LOC128125817: variants seen among roughly 807,000 people sequenced by gnomAD.
the LOC128125817 span, among the ~76,000 whole-genome samples, chr1:41,605,183 G>GAGGGAAGGGA: frequency 3.2e-3 from 365 of 115,634 alleles, 3 homozygotes; most frequent in African/African-American, 9.9e-3. Context: ...GAGGGGAGGG[G>GAGGGAAGGGA]AGGGAAGGGA....
At chr1:41,599,931 G>GTGGCC in the LOC128125817 span, among the ~76,000 whole-genome samples, 1 of 152,092 alleles carries the variant, frequency 6.6e-6, no homozygotes, top group African/African-American at 2.4e-5. Flanking sequence ...TTTCTCCAAA[G>GTGGCC]AAGATCTACA....
the LOC128125817 span, among the ~76,000 whole-genome samples, chr1:41,607,288 C>T: frequency 6.6e-6 from 1 of 152,204 alleles, no homozygotes; most frequent in East Asian, 1.9e-4. Flanking sequence ...TGAGACTTTG[C>T]TCTGCTTTCT....
chr1:41,622,911 T>A, the LOC128125817 span, among the ~76,000 whole-genome samples: 1 of 152,244 alleles, frequency 6.6e-6, no homozygotes, highest in Non-Finnish European at 1.5e-5. Context: ...CTGTGCCCTT[T>A]ACACATATTC....
chr1:41,624,673 T>C, the LOC128125817 span, among the ~76,000 whole-genome samples: 7 of 152,118 alleles, frequency 4.6e-5, no homozygotes, highest in Non-Finnish European at 1.0e-4. Context: ...TCATAAATGA[T>C]TGTGGGGCTT....
the LOC128125817 span, among the ~76,000 whole-genome samples, chr1:41,616,787 G>T: frequency 6.6e-6 from 1 of 152,070 alleles, no homozygotes; most frequent in Non-Finnish European, 1.5e-5. Flanking sequence ...ATCATCCTAT[G>T]TACATTCCTC....
chr1:41,620,330 C>G, the LOC128125817 span, among the ~76,000 whole-genome samples: 1 of 152,118 alleles, frequency 6.6e-6, no homozygotes, highest in Admixed American at 6.6e-5. Context: ...TTTTATTTAC[C>G]CATGACATAG....
At chr1:41,623,416 T>C in the LOC128125817 span, among the ~76,000 whole-genome samples, 1 of 152,254 alleles carries the variant, frequency 6.6e-6, no homozygotes, top group African/African-American at 2.4e-5. Flanking sequence ...TTTAAAGGGC[T>C]ATATAAACAA....
the LOC128125817 span, among the ~76,000 whole-genome samples, chr1:41,611,558 A>T: frequency 6.6e-6 from 1 of 152,258 alleles, no homozygotes; most frequent in African/African-American, 2.4e-5. Flanking sequence ...AGGGGCACAC[A>T]TTCAACAAAG....
the LOC128125817 span, among the ~76,000 whole-genome samples, chr1:41,608,461 A>G: frequency 1.3e-5 from 2 of 152,186 alleles, no homozygotes; most frequent in Admixed American, 6.5e-5. Context: ...TTTGGCGGCC[A>G]CTGGCTGCCT....
the LOC128125817 span, among the ~76,000 whole-genome samples, chr1:41,595,000 C>G: frequency 6.6e-6 from 1 of 152,222 alleles, no homozygotes; most frequent in East Asian, 1.9e-4. Flanking sequence ...ACCTCCCCAC[C>G]TCTGAAATGT....
chr1:41,620,557 C>T, the LOC128125817 span, among the ~76,000 whole-genome samples: 2 of 152,292 alleles, frequency 1.3e-5, no homozygotes, highest in Admixed American at 1.3e-4. Flanking sequence ...CTGCTTTTCT[C>T]TCTCTGCACT....
the LOC128125817 span, among the ~76,000 whole-genome samples, chr1:41,625,815 TAAG>T: frequency 2.0e-5 from 3 of 152,164 alleles, no homozygotes; most frequent in African/African-American, 7.2e-5. Context: ...AGATAAGAAA[TAAG>T]AATAAAAATG....
the LOC128125817 span, among the ~76,000 whole-genome samples, chr1:41,624,361 A>G: frequency 6.6e-6 from 1 of 152,242 alleles, no homozygotes; most frequent in Non-Finnish European, 1.5e-5. Flanking sequence ...TTCTAACAGA[A>G]AACGAGCACG....
At chr1:41,613,861 T>C in the LOC128125817 span, among the ~76,000 whole-genome samples, 1 of 152,230 alleles carries the variant, frequency 6.6e-6, no homozygotes, top group African/African-American at 2.4e-5. Context: ...CTAGTTTCCA[T>C]CTCTATAAAT....
At chr1:41,599,183 G>A in the LOC128125817 span, among the ~76,000 whole-genome samples, 15 of 152,070 alleles carry the variant, frequency 9.9e-5, no homozygotes, top group African/African-American at 2.4e-4. Context: ...AATAAATGGC[G>A]CTAAAGCTAT....
At chr1:41,603,549 G>A in the LOC128125817 span, among the ~76,000 whole-genome samples, 2 of 151,708 alleles carry the variant, frequency 1.3e-5, no homozygotes, top group East Asian at 1.9e-4. Context: ...TAGTGGAAAC[G>A]GGGTTTCACC....
chr1:41,585,966 A>T, the LOC128125817 span, among the ~76,000 whole-genome samples: 1 of 152,010 alleles, frequency 6.6e-6, no homozygotes, highest in Admixed American at 6.5e-5. Context: ...CCCATTGCTA[A>T]CCCGCACCCC....
chr1:41,591,833 T>C, the LOC128125817 span, among the ~76,000 whole-genome samples: 1 of 152,110 alleles, frequency 6.6e-6, no homozygotes, highest in Non-Finnish European at 1.5e-5. Context: ...TGCATCCCTC[T>C]TATTGCCATT....
chr1:41,602,677 A>C, the LOC128125817 span, among the ~76,000 whole-genome samples: 3 of 152,004 alleles, frequency 2.0e-5, no homozygotes, highest in South Asian at 6.2e-4. Flanking sequence ...TTTTCAAAAA[A>C]CCAACTCTTA....
Sources: allele counts gnomAD v4.1 joint callset (sites outside exome capture counted in the v4.1 genomes callset), GRCh38; gene constraint gnomAD v4.1.1; transcripts MANE v1.5.